PTPRN2: variants seen among roughly 807,000 people sequenced by gnomAD.
PTPRN2 encodes protein tyrosine phosphatase receptor type N2, also known as receptor-type tyrosine-protein phosphatase N2.
A neutral mutation model predicts 118.8 loss-of-function variants in PTPRN2; 74 were observed. The ratio of observed to expected loss-of-function variants is 0.62; its 90% CI spans 0.52 to 0.76. The LOEUF (loss-of-function observed/expected upper bound fraction) is 0.76. Ranked by LOEUF, PTPRN2 falls within the 30% of genes least tolerant of loss-of-function variation. PTPRN2 has a pLI of 0.00. For missense variants in PTPRN2, 1,481 were observed against 1,394.4 expected (o/e 1.06, Z -0.99); for synonymous variants, 641 against 608.0 (o/e 1.05, Z -0.80).
rs28722078 is a variant in PTPRN2, at chr7:157,916,461, C to G, written c.1724-17724G>C. ...CTGTGAAGGGGTGCATGTTTTAACACAACAAACTGCTCTCCTCTAATTACC... is the reference window on the plus strand; with the variant it reads ...CTGTGAAGGGGTGCATGTTTTAACAGAACAAACTGCTCTCCTCTAATTACC... On this transcript the variant is annotated intron_variant, in intron 11 of 22. Transcript: ENST00000389418. Among the ~76,000 whole-genome samples the G allele has an allele frequency of 3.3e-3, 502 of 152,356 alleles. 2 individuals carry two copies. The highest frequency in any genetic ancestry group is 0.011 in the African/African-American group (473 of 41,582).
At chr7:158,103,650 A>G (rs933131429) in intron 10 of PTPRN2, among the ~76,000 whole-genome samples, 5 of 152,160 alleles carry the variant, frequency 3.3e-5, no homozygotes, top group African/African-American at 9.7e-5. Flanking sequence ...CCAGGTTTCA[A>G]ACAGCTCAGG....
intron 9 of PTPRN2, among the ~76,000 whole-genome samples, chr7:158,132,109 C>T (rs543007166): frequency 1.5e-5 from 2 of 136,450 alleles, no homozygotes; most frequent in African/African-American, 5.8e-5. Flanking sequence ...TGCACAGATA[C>T]ACACACCTAT....
At chr7:157,933,238 T>G (rs1215556818) in intron 11 of PTPRN2, among the ~76,000 whole-genome samples, 2 of 143,262 alleles carry the variant, frequency 1.4e-5, no homozygotes, top group African/African-American at 5.2e-5. Context: ...GATTGACAGT[T>G]TTAGAGGAGG....
At chr7:158,236,579 CA>C (rs577062338) in intron 3 of PTPRN2, among the ~76,000 whole-genome samples, 137 of 152,248 alleles carry the variant, frequency 9.0e-4, no homozygotes, top group African/African-American at 3.1e-3. Flanking sequence ...CGAGATGCCT[CA>C]AGTATGTCTT....
chr7:157,615,091 C>T lies in PTPRN2; in HGVS notation c.2344+6271G>A, dbSNP rs1039237080. On this transcript the variant is annotated intron_variant, in intron 15 of 22. Transcript: ENST00000389418. This position sits in a 1 kb window ranked among gnomAD's most constrained non-coding sequence, Gnocchi z 4.3. Reference sequence around the variant, plus strand: ...ATGACGCCTGATACTTACTTGAAGTCGTCCAGCCAGAAAATAAATGAAGTG... The same window carrying T: ...ATGACGCCTGATACTTACTTGAAGTTGTCCAGCCAGAAAATAAATGAAGTG... 4.6e-5 allele frequency among the ~76,000 whole-genome samples: 7 copies of T among 152,220 alleles called. No homozygotes were observed. The highest frequency in any genetic ancestry group is 1.9e-4 in the East Asian group (1 of 5,204).
chr7:157,779,428 A>T lies in PTPRN2; in HGVS notation c.1789-96491T>A, dbSNP rs1392235520. Among the ~76,000 whole-genome samples, 1 of 151,956 alleles carries T rather than the reference A, an allele frequency of 6.6e-6. No individual in the cohort carries two copies. Among genetic ancestry groups the T allele is most frequent in the Admixed American group, 6.6e-5 (1 of 15,262 alleles). On this transcript the variant is annotated intron_variant, in intron 12 of 22. Coordinates refer to ENST00000389418, the MANE Select transcript of PTPRN2 (RefSeq NM_002847.5). The surrounding 1 kb of genome is among the most constrained non-coding windows in gnomAD (Gnocchi z 4.7). ...TGGGACCCTGCAGGCTGCCAGAATG[A>T]CCGCCCACCCGCTGCCCCTCACCAC... is the stretch of plus-strand genomic sequence containing the variant.
intron 11 of PTPRN2, among the ~76,000 whole-genome samples, chr7:158,039,644 C>T (rs1056058753): frequency 6.6e-5 from 10 of 152,214 alleles, no homozygotes; most frequent in African/African-American, 2.4e-4. Flanking sequence ...AACTCACAGC[C>T]AGGTAAAGAT....
At chr7:158,278,871 A>G (rs1799219093) in intron 3 of PTPRN2, among the ~76,000 whole-genome samples, 1 of 152,082 alleles carries the variant, frequency 6.6e-6, no homozygotes. Context: ...TGGCTTCAAG[A>G]GTGAAGCTGA....
At chr7:157,914,761 C>A (rs998039768) in intron 11 of PTPRN2, among the ~76,000 whole-genome samples, 2 of 152,118 alleles carry the variant, frequency 1.3e-5, no homozygotes, top group Non-Finnish European at 2.9e-5. Flanking sequence ...TTAAGATCCT[C>A]CTACTCTACT....
chr7:158,196,306 C>G (rs2150719269), intron 4 of PTPRN2, among the ~76,000 whole-genome samples: 1 of 152,326 alleles, frequency 6.6e-6, no homozygotes, highest in Non-Finnish European at 1.5e-5. Context: ...TTCCCCAGAC[C>G]TTCAGCTCTG....
At chr7:157,639,115 C>T (rs867160718) in intron 14 of PTPRN2, among the ~76,000 whole-genome samples, 1 of 151,842 alleles carries the variant, frequency 6.6e-6, no homozygotes, top group African/African-American at 2.4e-5. Context: ...CGGCTCACTG[C>T]AACCTCTGCC....
chr7:158,063,727 C>T lies in PTPRN2; in HGVS notation c.1723+17571G>A, dbSNP rs191501322. Reference sequence around the variant, plus strand: ...ATCCAAACATTAGAAGGAACAAACTCGGGACACACCGCCTTTAAGAACTGT... The same window carrying T: ...ATCCAAACATTAGAAGGAACAAACTTGGGACACACCGCCTTTAAGAACTGT... On this transcript the variant is annotated intron_variant, in intron 11 of 22. Transcript: ENST00000389418. 3.9e-5 allele frequency among the ~76,000 whole-genome samples: 6 copies of T among 152,274 alleles called. No homozygotes were observed. In the East Asian group the frequency reaches 5.8e-4, roughly 15 times the overall value.
At chr7:157,693,642 CG>C (rs973136373) in intron 12 of PTPRN2, among the ~76,000 whole-genome samples, 1 of 152,048 alleles carries the variant, frequency 6.6e-6, no homozygotes, top group African/African-American at 2.4e-5. Flanking sequence ...AGGTCTGGGC[CG>C]GGGAGCAGCT....
At position 158,564,649 on chromosome 7, in the gene PTPRN2, C is replaced by A. The variant is rs1827569971; in HGVS notation, c.112+22909G>T. Among the ~76,000 whole-genome samples the A allele has an allele frequency of 2.6e-5, 4 of 152,176 alleles. No individual in the cohort carries two copies. In the South Asian group the frequency reaches 8.3e-4, roughly 32 times the overall value. Reference sequence around the variant, plus strand: ...CATGCCCCAGGAATACCTGGCTTGACTCCTCACCTTCCACTGCACCCTCCA... The same window carrying A: ...CATGCCCCAGGAATACCTGGCTTGAATCCTCACCTTCCACTGCACCCTCCA... On this transcript the variant is annotated intron_variant, in intron 1 of 22. Coordinates refer to ENST00000389418, the MANE Select transcript of PTPRN2 (RefSeq NM_002847.5).
At chr7:157,887,005 C>T (rs1047912473) in intron 12 of PTPRN2, among the ~76,000 whole-genome samples, 4 of 151,928 alleles carry the variant, frequency 2.6e-5, no homozygotes, top group African/African-American at 9.7e-5. Flanking sequence ...AGGTCCTTGT[C>T]ACACAGCCAA....
intron 11 of PTPRN2, among the ~76,000 whole-genome samples, chr7:157,985,074 C>G (rs2060445): frequency 0.8 from 122,444 of 152,202 alleles, 49,425 homozygotes; most frequent in Non-Finnish European, 0.81. Flanking sequence ...ACAGCTTTCT[C>G]CTGCAGCCAT....
chr7:158,141,404 G>T (rs1819376314), intron 6 of PTPRN2, among the ~76,000 whole-genome samples: 1 of 152,136 alleles, frequency 6.6e-6, no homozygotes, highest in Non-Finnish European at 1.5e-5. Context: ...CCATGCCGAG[G>T]CAGCGGGGCC....
rs929437707 is a variant in PTPRN2 at position 157,845,288 on chromosome 7, C to G, written c.1788+53385G>C. On this transcript the variant is annotated intron_variant, in intron 12 of 22. Coordinates refer to ENST00000389418, the MANE Select transcript of PTPRN2 (RefSeq NM_002847.5). This position sits in a 1 kb window ranked among gnomAD's most constrained non-coding sequence, Gnocchi z 4.5. ...AGATACTCGATGGCCTTTCTGTCCT[C>G]CCTGCACCACCCAGAGGACATACAC... Among the ~76,000 whole-genome samples the G allele has an allele frequency of 1.3e-5, 2 of 152,136 alleles. No homozygotes were observed. Among genetic ancestry groups the G allele is most frequent in the East Asian group, 3.9e-4 (2 of 5,194 alleles).
At chr7:158,071,539 T>C (rs1811669775) in intron 11 of PTPRN2, among the ~76,000 whole-genome samples, 1 of 122,980 alleles carries the variant, frequency 8.1e-6, no homozygotes, top group Non-Finnish European at 1.7e-5. Context: ...CTCGTGATGA[T>C]GGAGGTGCTC....
Sources: allele counts gnomAD v4.1 joint callset (sites outside exome capture counted in the v4.1 genomes callset), GRCh38; gene constraint gnomAD v4.1.1; non-coding constraint Gnocchi (gnomAD v3.1); transcripts MANE v1.5; gene names NCBI Gene and HGNC (gene_info 2026-07-23, HGNC 2026-07-21).